Variants in PAPPA2 observed in about 807,000 individuals in gnomAD.
PAPPA2 encodes the protein pappalysin 2, also known as pappalysin-2.
A neutral mutation model predicts 176.4 loss-of-function variants in PAPPA2; 86 were observed. The observed-to-expected ratio is 0.49, with a 90% CI of 0.41 to 0.58. PAPPA2 has a LOEUF of 0.58. Among genes scored for constraint, PAPPA2 ranks in the 20% least tolerant of loss-of-function variants. The probability of loss-of-function intolerance (pLI) is 0.00; values close to 1 mark genes in which losing one functional copy is unlikely to be tolerated. For synonymous variants in PAPPA2, 809 were observed against 852.2 expected (o/e 0.95, Z 0.88); for missense variants, 2,073 against 2,256.9 (o/e 0.92, Z 1.65).
At chr1:176,528,065 CTG>C (rs1649592782) in intron 1 of PAPPA2, among the ~76,000 whole-genome samples, 2 of 152,216 alleles carry the variant, frequency 1.3e-5, no homozygotes, top group Non-Finnish European at 2.9e-5. Context: ...ACTGCCATAT[CTG>C]AGGATTTATA....
intron 14 of PAPPA2, among the ~76,000 whole-genome samples, chr1:176,765,459 A>C (rs1264987583): frequency 6.6e-6 from 1 of 152,200 alleles, no homozygotes; most frequent in Non-Finnish European, 1.5e-5. Context: ...AAAGTCAACT[A>C]ACTGTTACTT....
rs563868953 is a variant in PAPPA2, at chr1:176,636,247, T to A, written c.1992-34723T>A. Among the ~76,000 whole-genome samples the A allele has an allele frequency of 2.2e-4, 33 of 152,296 alleles. 1 individual carries two copies. In the South Asian group the frequency reaches 6.6e-3, roughly 31 times the overall value. ...GATAATTATAAGATGTTAAGAAGTATTGACTGCCCATTTCATTGTTTCCAT... is the reference window on the plus strand; with the variant it reads ...GATAATTATAAGATGTTAAGAAGTAATGACTGCCCATTTCATTGTTTCCAT... On this transcript the variant is annotated intron_variant, in intron 3 of 22. Transcript: ENST00000367662.
chr1:176,740,676 C>G (rs1229981487), intron 14 of PAPPA2, among the ~76,000 whole-genome samples: 1 of 152,142 alleles, frequency 6.6e-6, no homozygotes, highest in African/African-American at 2.4e-5. Context: ...ATATGTCTTT[C>G]TGTGGATGTC....
intron 1 of PAPPA2, among the ~76,000 whole-genome samples, chr1:176,512,146 A>G (rs990770926): frequency 1.3e-5 from 2 of 151,308 alleles, no homozygotes; most frequent in African/African-American, 4.9e-5. Context: ...AAATATGTTC[A>G]ATAAAATTAT....
chr1:176,711,820 GA>G lies in PAPPA2; in HGVS notation c.3652-12del. ...CACTCCACACTTCAAATTGTTGGTT[GA>G]AATTGTATTTCAGATTTGCACATCA... On this transcript the variant is annotated splice_polypyrimidine_tract_variant and intron_variant, in intron 11 of 22. Transcript: ENST00000367662. 1 of 1,589,124 alleles carries G rather than the reference GA, an allele frequency of 6.3e-7. No homozygotes were observed. Among genetic ancestry groups the G allele is most frequent in the South Asian group, 1.1e-5 (1 of 90,376 alleles).
chr1:176,511,582 T>C, intron 1 of PAPPA2, among the ~76,000 whole-genome samples: 1 of 152,300 alleles, frequency 6.6e-6, no homozygotes, highest in African/African-American at 2.4e-5. Flanking sequence ...TGAAACAAAA[T>C]TTCTGTGAAA....
intron 21 of PAPPA2, among the ~76,000 whole-genome samples, chr1:176,825,383 G>C (rs949515724): frequency 1.3e-5 from 2 of 152,196 alleles, no homozygotes; most frequent in Non-Finnish European, 2.9e-5. Context: ...GGTTCATAAA[G>C]TAGCAAACTT....
At chr1:176,784,772 A>G (rs1182077867) in intron 17 of PAPPA2, among the ~76,000 whole-genome samples, 2 of 151,980 alleles carry the variant, frequency 1.3e-5, no homozygotes, top group Non-Finnish European at 2.9e-5. Context: ...TTTTTAGTAG[A>G]GATGGGGGTT....
intron 2 of PAPPA2, among the ~76,000 whole-genome samples, chr1:176,559,696 A>T (rs752150743): frequency 2.0e-5 from 3 of 152,216 alleles, no homozygotes; most frequent in African/African-American, 7.2e-5. Flanking sequence ...GCCTTCACCT[A>T]TGCAGAATGA....
Position 176,555,953 on chromosome 1 carries a change from G to T in PAPPA2, c.-370G>T. On this transcript the variant is annotated 5_prime_UTR_variant, in exon 2 of 23. Coordinates refer to ENST00000367662, the MANE Select transcript of PAPPA2 (RefSeq NM_020318.3). ...CTCTTCTAGTATCAGTGAGGGGAGG[G>T]ATTACTGAAGAAGAAGGGGGGAAAA... is the stretch of plus-strand genomic sequence containing the variant. 4.7e-6 allele frequency: 1 copy of T among 214,884 alleles called. No homozygotes were observed. Among genetic ancestry groups the T allele is most frequent in the South Asian group, 9.7e-5 (1 of 10,294 alleles). The allele number at this position is 214,884 out of a possible 1,614,324, so 13.3% of individuals were successfully genotyped here. A position where few individuals can be genotyped will look rare whatever the true frequency, so the allele number is the denominator to read the frequency against.
chr1:176,667,905 T>C (rs948086072), intron 3 of PAPPA2, among the ~76,000 whole-genome samples: 1 of 152,136 alleles, frequency 6.6e-6, no homozygotes, highest in African/African-American at 2.4e-5. Context: ...TTTGTTTAGT[T>C]GGGAACCAAG....
intron 21 of PAPPA2, among the ~76,000 whole-genome samples, chr1:176,810,391 G>GAC (rs1457074841): frequency 6.6e-6 from 1 of 152,100 alleles, no homozygotes; most frequent in Admixed American, 6.6e-5. Flanking sequence ...TTTTTCCATG[G>GAC]ACAGTGTCGG....
chr1:176,756,422 A>T (rs957721829), intron 14 of PAPPA2, among the ~76,000 whole-genome samples: 2 of 152,222 alleles, frequency 1.3e-5, no homozygotes, highest in Non-Finnish European at 2.9e-5. Context: ...GGCAAAGTTC[A>T]GACTCATGTT....
chr1:176,800,526 G>A (rs893534805), intron 21 of PAPPA2, among the ~76,000 whole-genome samples: 2 of 152,164 alleles, frequency 1.3e-5, no homozygotes, highest in Non-Finnish European at 2.9e-5. Flanking sequence ...GGTTGCCAAT[G>A]TTTAAAAATT....
In PAPPA2 at chr1:176,595,306, A is replaced by T; in HGVS notation, c.1702A>T (p.Ser568Cys). ...CCGCTACAACATCAGCTGGCAGCTGAGCGTCCACCAGGTCCACAATTCCAC... is the reference window on the plus strand; with the variant it reads ...CCGCTACAACATCAGCTGGCAGCTGTGCGTCCACCAGGTCCACAATTCCAC... Reference protein sequence around the residue: ...FSRYNISWQLSVHQVHNSTLR... With the variant: ...FSRYNISWQLCVHQVHNSTLR... Residue 568 changes from serine (S) to cysteine (C), a missense_variant, in exon 3 of 23, where the codon AGC (serine) becomes TGC (cysteine). Ser to Cys is a moderately radical substitution (Grantham distance 112). Coordinates refer to ENST00000367662, the MANE Select transcript of PAPPA2 (RefSeq NM_020318.3). The T allele has an allele frequency of 6.2e-7, 1 of 1,614,188 alleles. No individual in the cohort carries two copies. The highest frequency in any genetic ancestry group is 8.5e-7 in the Non-Finnish European group (1 of 1,180,024).
At chr1:176,832,703 G>A (rs73050129) in intron 21 of PAPPA2, among the ~76,000 whole-genome samples, 4,674 of 152,238 alleles carry the variant, frequency 0.031, 248 homozygotes, top group African/African-American at 0.11. Flanking sequence ...AGTTTCTGGG[G>A]CAGGAACTAT....
chr1:176,747,979 T>C (rs1281305137), intron 14 of PAPPA2, among the ~76,000 whole-genome samples: 1 of 152,224 alleles, frequency 6.6e-6, no homozygotes, highest in Admixed American at 6.5e-5. Context: ...AGCTTGTTTC[T>C]TCAAAGCCAA....
At chr1:176,547,355 G>A (rs1386761402) in intron 1 of PAPPA2, among the ~76,000 whole-genome samples, 1 of 152,132 alleles carries the variant, frequency 6.6e-6, no homozygotes, top group Non-Finnish European at 1.5e-5. Flanking sequence ...AGTTAAGTAA[G>A]TTGTGGTTAA....
rs116208641 is a variant in PAPPA2, at chr1:176,732,886, C to T, written c.3799-6740C>T. On this transcript the variant is annotated intron_variant, in intron 12 of 22. Transcript: ENST00000367662. ...CTCAGGCTATGGAGCAGTACTGGTC[C>T]GTAGCCTGTTAGGAACCTGGCCACA... 6.6e-3 allele frequency among the ~76,000 whole-genome samples: 1,000 copies of T among 152,240 alleles called. 7 individuals are homozygous for T. Among genetic ancestry groups the T allele is most frequent in the African/African-American group, 0.023 (959 of 41,546 alleles).
Sources: gnomAD v4.1 joint callset for allele counts (sites outside exome capture counted in the v4.1 genomes callset) on GRCh38, gnomAD v4.1.1 for gene constraint, MANE v1.5 for transcripts, NCBI Gene and HGNC (gene_info 2026-07-23, HGNC 2026-07-21) for gene names.